SYTL2: variants seen among roughly 807,000 people sequenced by gnomAD.
SYTL2 encodes the protein synaptotagmin like 2.
In SYTL2, 165 loss-of-function variants were observed where a neutral mutation model predicts 198.7. The observed-to-expected ratio is 0.83, with a 90% CI of 0.73 to 0.94. The LOEUF (loss-of-function observed/expected upper bound fraction) is 0.94. Ranked by LOEUF, SYTL2 falls within the 40% of genes least tolerant of loss-of-function variation. The pLI is 0.00. For synonymous variants in SYTL2, 966 were observed against 917.7 expected, an observed-to-expected ratio of 1.05 and a Z score of -0.95; for missense variants, 2,835 against 2,582.8, an observed-to-expected ratio of 1.10 and a Z score of -2.12.
chr11:85,718,484 T>C, intron 10 of SYTL2: 1 of 317,350 alleles, frequency 3.2e-6, no homozygotes, highest in Non-Finnish European at 5.8e-6. Flanking sequence ...TACAAAGAGT[T>C]CTGCAAGTCA....
chr11:85,696,484 G>T, intron 18 of SYTL2, 96 bp from the exon 19 acceptor site: 2 of 1,037,320 alleles, frequency 1.9e-6, no homozygotes, highest in Non-Finnish European at 3.0e-6. Flanking sequence ...GATTGACAAT[G>T]GAGGAAAAGA....
chr11:85,718,763 G>C, intron 10 of SYTL2, 27 bp downstream of exon 10: 1 of 1,607,362 alleles, frequency 6.2e-7, no homozygotes, highest in Non-Finnish European at 8.5e-7. Flanking sequence ...TACAAAGACA[G>C]ACACGCAAAT....
chr11:85,843,014 A>G, the SYTL2 span, among the ~76,000 whole-genome samples: 23,742 of 152,174 alleles, frequency 0.16, 2,037 homozygotes, highest in Middle Eastern at 0.2. Flanking sequence ...GCTGTGGCCA[A>G]TGGAATCTGT....
At chr11:85,821,194 A>G in the SYTL2 span, among the ~76,000 whole-genome samples, 18 of 152,236 alleles carry the variant, frequency 1.2e-4, no homozygotes, top group Admixed American at 1.2e-3. Flanking sequence ...TTTCTGAAAT[A>G]AGGATGTGTT....
chr11:85,851,176 T>TA, the SYTL2 span, among the ~76,000 whole-genome samples: 200 of 149,232 alleles, frequency 1.3e-3, 1 homozygote, highest in South Asian at 0.016. Flanking sequence ...GAAAGTATAA[T>TA]AAAAAAAAAA....
At chr11:85,714,970 T>C (rs1410155852) in intron 11 of SYTL2, 1 of 153,878 alleles carries the variant, frequency 6.5e-6, no homozygotes. Context: ...GTTCTGGTTG[T>C]TGAGTGTCTT....
intron 1 of SYTL2, among the ~76,000 whole-genome samples, chr11:85,784,896 T>C (rs1362114362): frequency 6.6e-6 from 1 of 152,154 alleles, no homozygotes; most frequent in Non-Finnish European, 1.5e-5. Context: ...ATTTATAAAC[T>C]GATTTCTTTC....
chr11:85,848,245 CA>C, the SYTL2 span, among the ~76,000 whole-genome samples: 1 of 142,204 alleles, frequency 7.0e-6, no homozygotes, highest in Non-Finnish European at 1.5e-5. Flanking sequence ...ACTCAAAAAA[CA>C]AACAAACCAA....
At chr11:85,711,078 G>C in intron 13 of SYTL2, 35 bp downstream of exon 13, 1 of 1,609,900 alleles carries the variant, frequency 6.2e-7, no homozygotes, top group Non-Finnish European at 8.5e-7. Flanking sequence ...TCAGAGACGC[G>C]GAGAGATATT....
the SYTL2 span, among the ~76,000 whole-genome samples, chr11:85,839,761 C>T: frequency 3.3e-5 from 5 of 152,234 alleles, no homozygotes; most frequent in African/African-American, 1.2e-4. Context: ...GTACATATCT[C>T]GTCAATATAC....
the SYTL2 span, among the ~76,000 whole-genome samples, chr11:85,838,020 C>T: frequency 6.6e-6 from 1 of 152,034 alleles, no homozygotes; most frequent in African/African-American, 2.4e-5. Flanking sequence ...TTTATTTATG[C>T]CGGTAGCACC....
At chr11:85,762,840 T>C (rs537604) in intron 1 of SYTL2, among the ~76,000 whole-genome samples, 114,713 of 152,052 alleles carry the variant, frequency 0.75, 43,931 homozygotes, top group African/African-American at 0.88. Context: ...AAATCCCTAC[T>C]TACTCATGTT....
chr11:85,792,454 C>G (rs2092743830), intron 1 of SYTL2, among the ~76,000 whole-genome samples: 1 of 152,004 alleles, frequency 6.6e-6, no homozygotes, highest in Non-Finnish European at 1.5e-5. Flanking sequence ...AATGGGGGAC[C>G]TATGAAATGT....
rs1417916842 is a variant in SYTL2, at chr11:85,724,766, C to G, written c.4592G>C (p.Ser1531Thr). ...AGTGGCTCGCCTGGGCTCCTCTGTA[C>G]TACCTATTAACTTTGATGGAGAAAG... ...GNLSPSKLIG[S>T]TEEPRRATSE... Residue 1531 changes from serine (S) to threonine (T), a missense_variant, in exon 8 of 20, where the codon AGT becomes ACT. By Grantham distance (58) the Ser-to-Thr change is moderately conservative. Around this residue, in one of 3 missense-constraint regions of SYTL2, gnomAD observed 2,645 missense variants for 2,381.7 expected, o/e 1.11. Coordinates refer to ENST00000359152, the MANE Select transcript of SYTL2 (RefSeq NM_206927.4). 5 of 1,613,028 alleles carry G rather than the reference C, an allele frequency of 3.1e-6. No individual in the cohort carries two copies. The highest frequency in any genetic ancestry group is 4.2e-6 in the Non-Finnish European group (5 of 1,179,672).
the SYTL2 span, among the ~76,000 whole-genome samples, chr11:85,849,760 G>A: frequency 0.016 from 2,351 of 147,420 alleles, 24 homozygotes; most frequent in Non-Finnish European, 0.027. Context: ...GGATTGACTT[G>A]GCGATGCGGG....
intron 11 of SYTL2, chr11:85,717,238 C>T (rs1178211732): frequency 4.3e-6 from 1 of 234,516 alleles, no homozygotes; most frequent in Non-Finnish European, 8.2e-6. Context: ...ATAATATCAG[C>T]AATAACATAT....
intron 6 of SYTL2, among the ~76,000 whole-genome samples, chr11:85,735,266 T>C (rs1203480605): frequency 6.6e-6 from 1 of 152,214 alleles, no homozygotes; most frequent in African/African-American, 2.4e-5. Context: ...ACATTTAAGA[T>C]TACTGTGCTT....
At chr11:85,790,742 G>A (rs905361856) in intron 1 of SYTL2, among the ~76,000 whole-genome samples, 1 of 152,128 alleles carries the variant, frequency 6.6e-6, no homozygotes, top group Admixed American at 6.5e-5. Context: ...GTGCTGGCAG[G>A]TCCTCCCAGA....
At chr11:85,812,198 G>A (rs1178870350), upstream of SYTL2, among the ~76,000 whole-genome samples, 1 of 152,220 alleles carries the variant, frequency 6.6e-6, no homozygotes, top group Non-Finnish European at 1.5e-5. Context: ...ACCTCTGAAG[G>A]AGATGAACCT....
Sources: allele counts gnomAD v4.1 joint callset (sites outside exome capture counted in the v4.1 genomes callset), GRCh38; gene constraint gnomAD v4.1.1; regional missense constraint gnomAD v4.1.1; transcripts MANE v1.5; gene names NCBI Gene and HGNC (gene_info 2026-07-23, HGNC 2026-07-21).